The following NUMB variants were observed in gnomAD, a reference collection of about 807,000 sequenced individuals.
The protein encoded by NUMB is protein numb homolog.
A neutral mutation model predicts 59.7 loss-of-function variants in NUMB; 29 were observed. The observed-to-expected ratio is 0.49, with a 90% CI of 0.36 to 0.66. NUMB has a LOEUF of 0.66. Ranked by LOEUF, NUMB falls within the 30% of genes least tolerant of loss-of-function variation. The probability of loss-of-function intolerance (pLI) is 0.00; values close to 1 mark genes in which losing one functional copy is unlikely to be tolerated. For missense variants in NUMB, 723 were observed against 822.0 expected, an observed-to-expected ratio of 0.88 and a Z score of 1.47; for synonymous variants, 288 against 288.2, an observed-to-expected ratio of 1.00 and a Z score of 0.01.
intron 4 of NUMB, among the ~76,000 whole-genome samples, chr14:73,326,636 GA>G (rs939988213): frequency 5.0e-5 from 7 of 141,182 alleles, no homozygotes; most frequent in East Asian, 2.0e-4. Flanking sequence ...TCAAAAAAAA[GA>G]AAAAAAAAAG....
rs575557214 is a variant in NUMB at position 73,370,718 on chromosome 14, T to C, written c.-100-3737A>G. Among the ~76,000 whole-genome samples the C allele has an allele frequency of 6.6e-5, 10 of 151,990 alleles. No homozygotes were observed. The East Asian group carries it at 1.9e-3, about 29-fold the overall frequency. On this transcript the variant is annotated intron_variant, in intron 2 of 12. Coordinates refer to ENST00000555238, the MANE Select transcript of NUMB (RefSeq NM_001005743.2). ...AAAAAGAAAAAAAAAAAAAATCAGGTTCTTCTCTGTATGCCAACAATTTGA... is the reference window on the plus strand; with the variant it reads ...AAAAAGAAAAAAAAAAAAAATCAGGCTCTTCTCTGTATGCCAACAATTTGA...
intron 2 of NUMB, among the ~76,000 whole-genome samples, chr14:73,399,468 CAGG>C (rs1057370198): frequency 2.6e-4 from 39 of 152,206 alleles, no homozygotes; most frequent in Admixed American, 1.6e-3. Context: ...AAGGCTGAGG[CAGG>C]AGAATTGCTT....
intron 4 of NUMB, among the ~76,000 whole-genome samples, chr14:73,354,408 G>A (rs892403632): frequency 4.6e-5 from 7 of 151,582 alleles, no homozygotes; most frequent in African/African-American, 1.5e-4. Context: ...ATACTTGGGA[G>A]GCTGAGACAG....
At chr14:73,352,377 C>G (rs965273440) in intron 4 of NUMB, among the ~76,000 whole-genome samples, 1 of 147,844 alleles carries the variant, frequency 6.8e-6, no homozygotes, top group East Asian at 2.0e-4. Context: ...CATGTTCTTA[C>G]AGAACCAGAT....
At chr14:73,378,665 C>G (rs1449438232) in intron 2 of NUMB, among the ~76,000 whole-genome samples, 1 of 152,190 alleles carries the variant, frequency 6.6e-6, no homozygotes, top group Non-Finnish European at 1.5e-5. Flanking sequence ...AGGCTACATA[C>G]TGTATGACCC....
At chr14:73,367,686 G>C (rs1894436933) in intron 2 of NUMB, among the ~76,000 whole-genome samples, 1 of 149,278 alleles carries the variant, frequency 6.7e-6, no homozygotes, top group Non-Finnish European at 1.5e-5. Flanking sequence ...GAGACAGAAG[G>C]ATAGGTTGAG....
At chr14:73,383,547 G>A (rs995445408) in intron 2 of NUMB, among the ~76,000 whole-genome samples, 4 of 152,082 alleles carry the variant, frequency 2.6e-5, no homozygotes, top group African/African-American at 4.8e-5. Context: ...GAATGAGACA[G>A]AAGCAATATC....
Position 73,292,806 on chromosome 14 carries a change from G to A in NUMB, c.378C>T (p.Ala126=). The change falls in exon 8 of 13, where the codon GCC becomes GCT. Residue 126 remains alanine, a synonymous_variant. Coordinates refer to ENST00000555238, the MANE Select transcript of NUMB (RefSeq NM_001005743.2). ...FCAPDRNFDR[A]FSYICRDGTT... ...TGCCATCACGGCATATGTAAGAAAA[G>A]GCTCTATCAAAGTTCCTGTCTGGGG... is the stretch of plus-strand genomic sequence containing the variant. The A allele has an allele frequency of 1.4e-5, 23 of 1,614,186 alleles. No homozygotes were observed. The highest frequency in any genetic ancestry group is 1.9e-5 in the Non-Finnish European group (23 of 1,180,030).
intron 3 of NUMB, among the ~76,000 whole-genome samples, chr14:73,364,348 A>G (rs2140039962): frequency 6.6e-6 from 1 of 151,962 alleles, no homozygotes; most frequent in East Asian, 1.9e-4. Context: ...TACTAAAAGT[A>G]CAAAAATTAG....
chr14:73,352,861 T>G (rs73309048), intron 4 of NUMB, among the ~76,000 whole-genome samples: 9,172 of 150,780 alleles, frequency 0.061, 712 homozygotes, highest in African/African-American at 0.17. Flanking sequence ...ATATTGTTAA[T>G]GCAAATATCT....
At chr14:73,376,534 A>G (rs1412327875) in intron 2 of NUMB, among the ~76,000 whole-genome samples, 1 of 152,000 alleles carries the variant, frequency 6.6e-6, no homozygotes, top group Non-Finnish European at 1.5e-5. Flanking sequence ...ATATGGAAAA[A>G]AAAAAAACAA....
chr14:73,429,061 C>A (rs1051522962), intron 1 of NUMB, among the ~76,000 whole-genome samples: 3 of 152,196 alleles, frequency 2.0e-5, no homozygotes, highest in African/African-American at 7.2e-5. Flanking sequence ...CAATCCCTCG[C>A]AACCACTGGT....
Position 73,284,390 on chromosome 14 carries a change from A to T in NUMB, c.656-16T>A. 1.2e-6 allele frequency: 2 copies of T among 1,603,308 alleles called. No individual in the cohort carries two copies. The highest frequency in any genetic ancestry group is 1.7e-6 in the Non-Finnish European group (2 of 1,173,438). On this transcript the variant is annotated splice_polypyrimidine_tract_variant and intron_variant, in intron 9 of 12. Coordinates refer to ENST00000555238, the MANE Select transcript of NUMB (RefSeq NM_001005743.2). Reference sequence around the variant, plus strand: ...TCTGTTTCAGCTCAAGAAAATAAAGAGAATGAAGACCTTAGCAATGTCTTC... The same window carrying T: ...TCTGTTTCAGCTCAAGAAAATAAAGTGAATGAAGACCTTAGCAATGTCTTC...
chr14:73,342,484 C>T (rs1043565964), intron 4 of NUMB, among the ~76,000 whole-genome samples: 1 of 152,176 alleles, frequency 6.6e-6, no homozygotes, highest in African/African-American at 2.4e-5. Context: ...GGAAAATGTC[C>T]TATCTGGGAT....
chr14:73,457,175 G>A (rs1410823798), intron 1 of NUMB, among the ~76,000 whole-genome samples: 4 of 152,136 alleles, frequency 2.6e-5, no homozygotes, highest in Non-Finnish European at 5.9e-5. Context: ...CTTTAGCCGA[G>A]TATGCCTACC....
At chr14:73,341,553 GA>G in intron 4 of NUMB, among the ~76,000 whole-genome samples, 1 of 152,206 alleles carries the variant, frequency 6.6e-6, no homozygotes, top group East Asian at 1.9e-4. Context: ...AATGGGGTAG[GA>G]AAAGTGTTGA....
intron 3 of NUMB, among the ~76,000 whole-genome samples, chr14:73,361,910 A>G (rs1894112824): frequency 6.6e-6 from 1 of 152,082 alleles, no homozygotes. Flanking sequence ...TTTCCTCAAA[A>G]CGAATATACT....
chr14:73,392,326 T>G (rs1297469390), intron 2 of NUMB, among the ~76,000 whole-genome samples: 2 of 152,182 alleles, frequency 1.3e-5, no homozygotes, highest in Non-Finnish European at 1.5e-5. Flanking sequence ...TTAAAATGGG[T>G]TTCTGTCCCC....
intron 1 of NUMB, among the ~76,000 whole-genome samples, chr14:73,429,826 C>T (rs1897747848): frequency 6.6e-6 from 1 of 151,800 alleles, no homozygotes; most frequent in Admixed American, 6.6e-5. Flanking sequence ...GCCTGTAATC[C>T]CAGCTATTCA....
Sources: allele counts gnomAD v4.1 joint callset (sites outside exome capture counted in the v4.1 genomes callset), GRCh38; gene constraint gnomAD v4.1.1; transcripts MANE v1.5; gene names NCBI Gene and HGNC (gene_info 2026-07-23, HGNC 2026-07-21).